The following RARB variants were observed in gnomAD, a reference collection of about 807,000 sequenced individuals.
RARB encodes retinoic acid receptor beta, also known as HBV-activated protein.
A neutral mutation model predicts 51.9 loss-of-function variants in RARB; 17 were observed. That is an observed-to-expected ratio of 0.33 (90% CI 0.22 to 0.49). The LOEUF is 0.49. Ranked by LOEUF, RARB falls within the 20% of genes least tolerant of loss-of-function variation. The probability of loss-of-function intolerance (pLI) is 0.99; values close to 1 mark genes in which losing one functional copy is unlikely to be tolerated. For missense variants in RARB, 369 were observed against 550.8 expected (o/e 0.67, Z 3.30); for synonymous variants, 215 against 195.4 (o/e 1.10, Z -0.84).
chr3:24,842,149 C>A (rs1226688827), intron 1 of RARB, among the ~76,000 whole-genome samples: 1 of 152,054 alleles, frequency 6.6e-6, no homozygotes, highest in East Asian at 1.9e-4. Flanking sequence ...CCAAGACAGG[C>A]TACAGTTATG....
chr3:25,531,505 TC>T (rs1037817502), intron 3 of RARB, among the ~76,000 whole-genome samples: 2 of 152,090 alleles, frequency 1.3e-5, no homozygotes, highest in Non-Finnish European at 2.9e-5. Flanking sequence ...ATTAAAGTCT[TC>T]TGGTAGTTTC....
chr3:25,220,987 G>T (rs1211963603), intron 5 of RARB, among the ~76,000 whole-genome samples: 1 of 149,206 alleles, frequency 6.7e-6, no homozygotes, highest in Non-Finnish European at 1.5e-5. Context: ...TTTTCTTTTG[G>T]TTTTGTTTTT....
chr3:25,519,159 G>T (rs867108473), intron 3 of RARB, among the ~76,000 whole-genome samples: 1 of 152,054 alleles, frequency 6.6e-6, no homozygotes, highest in Non-Finnish European at 1.5e-5. Context: ...TTATAGATAG[G>T]CTTTTCTCAT....
intron 3 of RARB, among the ~76,000 whole-genome samples, chr3:25,069,615 C>T (rs1192328973): frequency 1.3e-5 from 2 of 152,142 alleles, no homozygotes; most frequent in South Asian, 2.1e-4. Flanking sequence ...GGCAAGAACA[C>T]TGTAAATCTC....
intron 3 of RARB, among the ~76,000 whole-genome samples, chr3:25,123,783 A>G (rs1699821299): frequency 6.6e-6 from 1 of 152,082 alleles, no homozygotes. Flanking sequence ...TATCTTTTCA[A>G]CCACGTTATC....
At chr3:25,082,106 AT>A (rs1699017519) in intron 3 of RARB, among the ~76,000 whole-genome samples, 1 of 152,064 alleles carries the variant, frequency 6.6e-6, no homozygotes, top group African/African-American at 2.4e-5. Flanking sequence ...TCCATTATAT[AT>A]TTTTAATCGT....
chr3:25,512,316 A>G (rs1697936320), intron 3 of RARB, among the ~76,000 whole-genome samples: 1 of 152,274 alleles, frequency 6.6e-6, no homozygotes, highest in South Asian at 2.1e-4. Context: ...CAAGAAGTAC[A>G]TGTCCTTGGG....
intron 2 of RARB, among the ~76,000 whole-genome samples, chr3:25,032,690 T>C (rs1697900430): frequency 6.6e-6 from 1 of 152,138 alleles, no homozygotes; most frequent in Non-Finnish European, 1.5e-5. Context: ...AAGTATAAAA[T>C]TGATGGAACA....
In RARB at chr3:25,415,388, A is replaced by G. The variant is rs1559391150; in HGVS notation, c.179-45805A>G. Among the ~76,000 whole-genome samples the G allele has an allele frequency of 2.6e-5, 4 of 152,014 alleles. No individual in the cohort carries two copies. The East Asian group carries it at 5.8e-4, about 22-fold the overall frequency. On this transcript the variant is annotated intron_variant, in intron 5 of 11. Transcript: ENST00000383772. The stretch of plus-strand genomic sequence containing the variant: ...TTTTTGCATATGCTGTGGGTTATGG[A>G]TCTTTTATTTTTGTTGTTTGTTTTA...
intron 5 of RARB, among the ~76,000 whole-genome samples, chr3:25,317,605 C>T (rs1029262509): frequency 6.6e-6 from 1 of 152,010 alleles, no homozygotes; most frequent in African/African-American, 2.4e-5. Context: ...CAATCCATGA[C>T]TAAGTGGAAG....
intron 2 of RARB, among the ~76,000 whole-genome samples, chr3:24,886,016 A>C (rs1160575692): frequency 6.6e-6 from 1 of 152,158 alleles, no homozygotes; most frequent in Non-Finnish European, 1.5e-5. Flanking sequence ...ATTTTACCCT[A>C]ATTTGCTAAC....
At chr3:25,209,474 A>T (rs535351038) in intron 5 of RARB, among the ~76,000 whole-genome samples, 12 of 152,334 alleles carry the variant, frequency 7.9e-5, no homozygotes, top group Non-Finnish European at 1.2e-4. Context: ...TGAAGTCACA[A>T]CCCAAAGATT....
Position 25,539,591 on chromosome 3 carries a change from T to TC in RARB, c.449-30167_449-30166insC, listed in dbSNP as rs1254751749. On this transcript the variant is annotated intron_variant, in intron 3 of 7. Coordinates refer to ENST00000330688, the MANE Select transcript of RARB (RefSeq NM_000965.5). ...TTTTCCCCTTTATTTCTTTTTTTTT[T>TC]TCTCTTGTTTTGTATTTCTTTTTTC... Among the ~76,000 whole-genome samples the TC allele has an allele frequency of 4.0e-5, 6 of 150,394 alleles. No homozygotes were observed. In the South Asian group the frequency reaches 1.1e-3, roughly 27 times the overall value.
At chr3:25,592,757 T>A (rs1176696608) in intron 5 of RARB, among the ~76,000 whole-genome samples, 1 of 152,200 alleles carries the variant, frequency 6.6e-6, no homozygotes, top group Admixed American at 6.5e-5. Flanking sequence ...CTGCCTACAC[T>A]TTAGGGTTCG....
chr3:25,087,368 A>AT (rs1699122721), intron 3 of RARB, among the ~76,000 whole-genome samples: 2 of 152,008 alleles, frequency 1.3e-5, no homozygotes, highest in Non-Finnish European at 1.5e-5. Context: ...TATATATTTG[A>AT]TTTTTTTACC....
At chr3:25,367,184 T>A (rs1030281636) in intron 5 of RARB, among the ~76,000 whole-genome samples, 1 of 152,164 alleles carries the variant, frequency 6.6e-6, no homozygotes, top group Non-Finnish European at 1.5e-5. Flanking sequence ...TGCTTATCAA[T>A]GTTTACTTGA....
intron 5 of RARB, among the ~76,000 whole-genome samples, chr3:25,294,962 T>C (rs1397998777): frequency 1.3e-5 from 2 of 152,192 alleles, no homozygotes; most frequent in Admixed American, 6.5e-5. Flanking sequence ...CTTTACTATG[T>C]GATTAGTCCT....
intron 3 of RARB, among the ~76,000 whole-genome samples, chr3:25,548,042 T>G (rs1363210204): frequency 1.3e-5 from 2 of 151,728 alleles, no homozygotes; most frequent in Non-Finnish European, 2.9e-5. Flanking sequence ...CTAGCTTGAG[T>G]GACATAAATC....
Position 25,405,692 on chromosome 3 carries a change from A to G in RARB, c.179-55501A>G, listed in dbSNP as rs143292965. Among the ~76,000 whole-genome samples, 9 of 152,378 alleles carry G rather than the reference A, an allele frequency of 5.9e-5. No homozygotes were observed. The East Asian group carries it at 1.5e-3, about 26-fold the overall frequency. ...AAAAATTCTGTTGTTCAGTCATAGT[A>G]TCTTCACTCCTTGTGTTCAGTAGCT... On this transcript the variant is annotated intron_variant, in intron 5 of 11. Coordinates refer to the RARB transcript ENST00000383772.
Sources: allele counts gnomAD v4.1 joint callset (sites outside exome capture counted in the v4.1 genomes callset), GRCh38; gene constraint gnomAD v4.1.1; transcripts MANE v1.5; gene names NCBI Gene and HGNC (gene_info 2026-07-23, HGNC 2026-07-21).